KHDRBS1: variants seen among roughly 807,000 people sequenced by gnomAD.
The protein encoded by KHDRBS1 is KH RNA binding domain containing, signal transduction associated 1, also known as KH domain-containing, RNA-binding, signal transduction-associated protein 1.
Under a neutral mutation model 48.4 loss-of-function variants are expected in KHDRBS1, and 7 were observed. The ratio of observed to expected loss-of-function variants is 0.14; its 90% CI spans 0.08 to 0.27. The LOEUF (loss-of-function observed/expected upper bound fraction) is 0.27, where lower values mean the gene tolerates loss of function less well. Ranked by LOEUF, KHDRBS1 falls within the 10% of genes least tolerant of loss-of-function variation. KHDRBS1 has a pLI of 1.00. For missense variants in KHDRBS1, 458 were observed against 601.2 expected, an observed-to-expected ratio of 0.76 and a Z score of 2.49; for synonymous variants, 241 against 235.8, an observed-to-expected ratio of 1.02 and a Z score of -0.20.
At chr1:32,024,500 T>A (rs961987587) in intron 1 of KHDRBS1, among the ~76,000 whole-genome samples, 10 of 150,794 alleles carry the variant, frequency 6.6e-5, no homozygotes, top group South Asian at 2.1e-4. Context: ...TTTTTTTTTT[T>A]AATTTTAGTA....
chr1:32,015,126 T>G (rs145776040), intron 1 of KHDRBS1, among the ~76,000 whole-genome samples: 21 of 152,270 alleles, frequency 1.4e-4, no homozygotes, highest in Admixed American at 1.3e-3. Flanking sequence ...CCCAACGAGA[T>G]GGACAGAAAT....
intron 1 of KHDRBS1, among the ~76,000 whole-genome samples, chr1:32,017,600 C>CTTTTTTTTTTTTTTTTTTTT (rs34505125): frequency 1.4e-5 from 1 of 73,820 alleles, no homozygotes; most frequent in East Asian, 4.4e-4. Flanking sequence ...TCTTTTTCTA[C>CTTTTTTTTTTTTTTTTTTTT]TTTTTTTTTT....
At chr1:32,038,152 A>G (rs571773522) in intron 6 of KHDRBS1, 116 bp downstream of exon 6, 125 of 1,476,194 alleles carry the variant, frequency 8.5e-5, no homozygotes, top group Admixed American at 4.5e-4. Context: ...AAGATTTGCA[A>G]TCTGCCCTCT....
At chr1:32,055,490 C>T (rs1639471268) in intron 10 of KHDRBS1, among the ~76,000 whole-genome samples, 1 of 152,098 alleles carries the variant, frequency 6.6e-6, no homozygotes. Flanking sequence ...CTCCCCTCTT[C>T]TCTTGAGACC....
downstream of KHDRBS1, among the ~76,000 whole-genome samples, chr1:32,044,068 A>C (rs1342423367): frequency 6.6e-6 from 1 of 152,248 alleles, no homozygotes; most frequent in African/African-American, 2.4e-5. Flanking sequence ...GTTTAAAAAT[A>C]ACCAAAGCTT....
intron 10 of KHDRBS1, among the ~76,000 whole-genome samples, chr1:32,057,673 C>T (rs1639495420): frequency 6.6e-6 from 1 of 151,404 alleles, no homozygotes; most frequent in Non-Finnish European, 1.5e-5. Flanking sequence ...GTGGCGGGTG[C>T]CTGTAGTCCC....
At chr1:32,034,904 C>A (rs1015686202) in intron 4 of KHDRBS1, among the ~76,000 whole-genome samples, 1 of 151,594 alleles carries the variant, frequency 6.6e-6, no homozygotes, top group African/African-American at 2.4e-5. Flanking sequence ...TGGTATGAAC[C>A]CGGGAGGCGG....
chr1:32,038,710 G>A, intron 7 of KHDRBS1, 91 bp downstream of exon 7: 1 of 1,252,266 alleles, frequency 8.0e-7, no homozygotes, highest in Non-Finnish European at 1.2e-6. Flanking sequence ...ACAACCCTAA[G>A]GAGCAGAATG....
In KHDRBS1 at chr1:32,042,761, C is replaced by T; in HGVS notation, c.*137C>T. 3.2e-6 allele frequency: 2 copies of T among 616,022 alleles called. No individual in the cohort carries two copies. Among genetic ancestry groups the T allele is most frequent in the Non-Finnish European group, 5.9e-6 (2 of 338,238 alleles). 38.2% of individuals were successfully genotyped at this position (616,022 alleles called of 1,614,324 possible). A position where few individuals can be genotyped will look rare whatever the true frequency, so the allele number is the denominator to read the frequency against. On this transcript the variant is annotated 3_prime_UTR_variant, in exon 9 of 9. Coordinates refer to ENST00000327300, the MANE Select transcript of KHDRBS1 (RefSeq NM_006559.3). ...TTTTCTTCGTGGTCCCCTTCTTCTC[C>T]CCACCTTATTCCATTCTTAACTCTG...
rs540145388 is a variant in KHDRBS1, at chr1:32,019,130, C to A, written c.382+4753C>A. On this transcript the variant is annotated intron_variant, in intron 1 of 8. Transcript: ENST00000327300. Reference sequence around the variant, plus strand: ...AAACAAACAAACAAAAAACCAGCAACACCTTTTCTAGGAATATGCTCAAAG... The same window carrying A: ...AAACAAACAAACAAAAAACCAGCAAAACCTTTTCTAGGAATATGCTCAAAG... 7.4e-4 allele frequency among the ~76,000 whole-genome samples: 112 copies of A among 152,336 alleles called. No individual in the cohort carries two copies. In the Middle Eastern group the frequency reaches 0.01, roughly 14 times the overall value.
chr1:32,035,854 T>G (rs1639166955), intron 4 of KHDRBS1, among the ~76,000 whole-genome samples: 1 of 152,228 alleles, frequency 6.6e-6, no homozygotes, highest in African/African-American at 2.4e-5. Context: ...TAGGGAATTA[T>G]GTGGTACTTT....
chr1:32,030,907 A>T (rs989923283), intron 2 of KHDRBS1, among the ~76,000 whole-genome samples: 4 of 151,214 alleles, frequency 2.6e-5, no homozygotes, highest in African/African-American at 9.7e-5. Flanking sequence ...AAAGGGTGCT[A>T]TATAGTCTCT....
chr1:32,028,351 A>G (rs1273502134), intron 1 of KHDRBS1, among the ~76,000 whole-genome samples: 1 of 151,860 alleles, frequency 6.6e-6, no homozygotes, highest in Non-Finnish European at 1.5e-5. Context: ...ATTGTGATGC[A>G]TGAAGAAGTT....
chr1:32,048,756 A>G (rs1249554558), downstream of KHDRBS1, among the ~76,000 whole-genome samples: 1 of 152,114 alleles, frequency 6.6e-6, no homozygotes, highest in African/African-American at 2.4e-5. Context: ...TGTATAATTC[A>G]GTGGTTTTTA....
rs1639114309 is a variant in KHDRBS1, at chr1:32,033,196, G to A, written c.633G>A (p.Glu211=). ...GSMRDKAKEE[E]LRKGGDPKYA... ...TCTGCATTTTTCCATAGGAGGAAGA[G>A]CTGCGCAAAGGTGGAGACCCCAAAT... The change falls in exon 4 of 9, where the codon GAG becomes GAA. Residue 211 remains glutamate (E), a synonymous_variant. Coordinates refer to ENST00000327300, the MANE Select transcript of KHDRBS1 (RefSeq NM_006559.3). 1 of 1,613,538 alleles carries A rather than the reference G, an allele frequency of 6.2e-7. No individual in the cohort carries two copies. Among genetic ancestry groups the A allele is most frequent in the Admixed American group, 1.7e-5 (1 of 59,996 alleles).
At chr1:32,059,174 AAAAAAAAAAAC>A (rs1227622998) in intron 10 of KHDRBS1, among the ~76,000 whole-genome samples, 15 of 151,520 alleles carry the variant, frequency 9.9e-5, no homozygotes, top group Non-Finnish European at 4.4e-5. Flanking sequence ...AGAAAAAAAA[AAAAAAAAAAAC>A]AAAACCTTTT....
At chr1:32,018,216 T>C (rs1359839926) in intron 1 of KHDRBS1, among the ~76,000 whole-genome samples, 1 of 148,700 alleles carries the variant, frequency 6.7e-6, no homozygotes, top group Admixed American at 6.7e-5. Flanking sequence ...ATCCCAGCAC[T>C]TTGGGAGGCC....
At chr1:32,014,668 C>T (rs546046608) in intron 1 of KHDRBS1, among the ~76,000 whole-genome samples, 1 of 152,254 alleles carries the variant, frequency 6.6e-6, no homozygotes, top group South Asian at 2.1e-4. Context: ...CCTCCTCCCT[C>T]CTCTTGCGGC....
At chr1:32,021,078 T>G (rs1465913538) in intron 1 of KHDRBS1, among the ~76,000 whole-genome samples, 1 of 152,148 alleles carries the variant, frequency 6.6e-6, no homozygotes, top group Non-Finnish European at 1.5e-5. Flanking sequence ...AGGATCTCTG[T>G]TATTTCTTAG....
Sources: gnomAD v4.1 joint callset for allele counts (sites outside exome capture counted in the v4.1 genomes callset) on GRCh38, gnomAD v4.1.1 for gene constraint, MANE v1.5 for transcripts, NCBI Gene and HGNC (gene_info 2026-07-23, HGNC 2026-07-21) for gene names.